Variants in CBFA2T2 observed in about 807,000 individuals in gnomAD.
CBFA2T2 encodes CBFA2/RUNX1 partner transcriptional co-repressor 2, also known as protein CBFA2T2.
Under a neutral mutation model 62.2 loss-of-function variants are expected in CBFA2T2, and 11 were observed. The ratio of observed to expected loss-of-function variants is 0.18; its 90% confidence interval spans 0.11 to 0.29. The LOEUF (loss-of-function observed/expected upper bound fraction) is 0.29. Among genes scored for constraint, CBFA2T2 ranks in the 10% least tolerant of loss-of-function variants. The pLI, the probability that CBFA2T2 is intolerant of heterozygous loss-of-function variation, is 1.00. For synonymous variants in CBFA2T2, 295 were observed against 287.5 expected (o/e 1.03, Z -0.27); for missense variants, 592 against 774.1 (o/e 0.76, Z 2.79).
chr20:33,569,608 G>A (rs1379852523), intron 1 of CBFA2T2, among the ~76,000 whole-genome samples: 2 of 152,220 alleles, frequency 1.3e-5, no homozygotes, highest in Admixed American at 6.5e-5. Context: ...TGCCCTGTCA[G>A]TGAAGGGTAT....
At chr20:33,530,953 G>A (rs1032099510) in intron 1 of CBFA2T2, among the ~76,000 whole-genome samples, 5 of 152,002 alleles carry the variant, frequency 3.3e-5, no homozygotes, top group Non-Finnish European at 7.4e-5. Context: ...GGTGGCAGGC[G>A]CCTGTAATCG....
chr20:33,628,567 C>G (rs541002051), intron 7 of CBFA2T2, 132 bp downstream of exon 7: 68 of 666,886 alleles, frequency 1.0e-4, no homozygotes, highest in Non-Finnish European at 1.7e-4. Flanking sequence ...TTCCCAGGTT[C>G]AAGCAATTCT....
intron 1 of CBFA2T2, among the ~76,000 whole-genome samples, chr20:33,492,415 T>TAA (rs199700102): frequency 0.043 from 6,177 of 142,866 alleles, 316 homozygotes; most frequent in African/African-American, 0.12. Flanking sequence ...TGCTTTCACT[T>TAA]AAAAAAAAAA....
intron 1 of CBFA2T2, among the ~76,000 whole-genome samples, chr20:33,510,557 C>T (rs1451229816): frequency 6.6e-6 from 1 of 152,094 alleles, no homozygotes; most frequent in Non-Finnish European, 1.5e-5. Context: ...TGGGTTGGTT[C>T]CGAGTCTTTG....
At chr20:33,596,153 A>G (rs1243060166) in intron 1 of CBFA2T2, among the ~76,000 whole-genome samples, 1 of 152,210 alleles carries the variant, frequency 6.6e-6, no homozygotes, top group Non-Finnish European at 1.5e-5. Context: ...TGTTTCAGCT[A>G]AGAGATGGTC....
At chr20:33,599,961 C>T (rs920900495) in intron 1 of CBFA2T2, among the ~76,000 whole-genome samples, 1 of 152,026 alleles carries the variant, frequency 6.6e-6, no homozygotes, top group Non-Finnish European at 1.5e-5. Context: ...TCATTATAAA[C>T]AGTTGTTTCT....
At chr20:33,555,294 G>A (rs1449480735) in intron 1 of CBFA2T2, among the ~76,000 whole-genome samples, 3 of 152,066 alleles carry the variant, frequency 2.0e-5, no homozygotes, top group African/African-American at 7.2e-5. Flanking sequence ...CATTAAAATG[G>A]CATGTAGTTG....
chr20:33,490,255 GC>G lies in CBFA2T2; in HGVS notation c.-12del, dbSNP rs2011136321. 2.4e-6 allele frequency: 3 copies of G among 1,237,840 alleles called. No homozygotes were observed. The East Asian group carries it at 9.5e-5, about 39-fold the overall frequency. 76.7% of individuals were successfully genotyped at this position (1,237,840 alleles called of 1,614,324 possible). A position where few individuals can be genotyped will look rare whatever the true frequency, so the allele number is the denominator to read the frequency against. ...GGGTAGAGGCGGGCGGCGCGCGGCG[GC>G]GGCGCTCGGCGATGGTAGGCGTCCC... On this transcript the variant is annotated 5_prime_UTR_variant, in exon 1 of 11. Coordinates refer to ENST00000342704, the MANE Select transcript of CBFA2T2 (RefSeq NM_001032999.3).
intron 5 of CBFA2T2, chr20:33,623,627 G>C (rs763909385): frequency 2.5e-5 from 16 of 636,466 alleles, no homozygotes; most frequent in Non-Finnish European, 4.5e-5. Context: ...TTACCATGTT[G>C]CCCAGGCTGG....
At chr20:33,561,505 A>G (rs992362400) in intron 1 of CBFA2T2, among the ~76,000 whole-genome samples, 1 of 152,212 alleles carries the variant, frequency 6.6e-6, no homozygotes, top group Non-Finnish European at 1.5e-5. Context: ...TTGTGTAACT[A>G]TAGTATGGTA....
chr20:33,575,591 TAG>T lies in CBFA2T2; in HGVS notation c.35-31362_35-31361del, dbSNP rs563209240. ...GTTAAGAGGAATTAGGAAAGAGTTA[TAG>T]AGTCTTTCTTAATAGGGTTTTTTTT... On this transcript the variant is annotated intron_variant, in intron 1 of 10. Coordinates refer to ENST00000342704, the MANE Select transcript of CBFA2T2 (RefSeq NM_001032999.3). 1.3e-4 allele frequency among the ~76,000 whole-genome samples: 20 copies of T among 152,274 alleles called. No individual in the cohort carries two copies. In the Middle Eastern group the frequency reaches 0.017, roughly 129 times the overall value.
chr20:33,617,754 C>T (rs771343767), intron 3 of CBFA2T2, among the ~76,000 whole-genome samples: 2 of 152,096 alleles, frequency 1.3e-5, no homozygotes, highest in South Asian at 2.1e-4. Flanking sequence ...ACAGATATAA[C>T]GTTAACTTTA....
intron 3 of CBFA2T2, among the ~76,000 whole-genome samples, chr20:33,614,301 A>C (rs1447993581): frequency 1.3e-5 from 2 of 152,180 alleles, no homozygotes; most frequent in Non-Finnish European, 1.5e-5. Flanking sequence ...CAGTGGTCTT[A>C]AGTACATTCA....
rs2016991072 is a variant in CBFA2T2, at chr20:33,644,713, G to A, written c.*67G>A. 2.0e-6 allele frequency: 3 copies of A among 1,490,838 alleles called. No individual in the cohort carries two copies. The highest frequency in any genetic ancestry group is 2.6e-5 in the South Asian group (2 of 76,466). The allele number at this position is 1,490,838 out of a possible 1,614,324, so 92.4% of individuals were successfully genotyped here. ...GAGTGCTTGGGCTGAGGGACTGACT[G>A]TTGGAACCCGTGCATGTAGCTGCCG... On this transcript the variant is annotated 3_prime_UTR_variant, in exon 11 of 11. Coordinates refer to ENST00000342704, the MANE Select transcript of CBFA2T2 (RefSeq NM_001032999.3).
At chr20:33,587,892 A>T (rs564092475) in intron 1 of CBFA2T2, among the ~76,000 whole-genome samples, 1 of 152,328 alleles carries the variant, frequency 6.6e-6, no homozygotes, top group Non-Finnish European at 1.5e-5. Context: ...AGATGTTCAC[A>T]TCTGGACCAT....
intron 1 of CBFA2T2, among the ~76,000 whole-genome samples, chr20:33,522,491 G>T (rs1337723615): frequency 6.7e-6 from 1 of 149,682 alleles, no homozygotes; most frequent in East Asian, 2.0e-4. Context: ...GCTTTGGGAG[G>T]CCAAGGTGGG....
At chr20:33,602,399 T>G (rs1386975809) in intron 1 of CBFA2T2, among the ~76,000 whole-genome samples, 1 of 147,706 alleles carries the variant, frequency 6.8e-6, no homozygotes, top group East Asian at 2.0e-4. Flanking sequence ...TATTTTCTTA[T>G]CTCGTATTTA....
chr20:33,626,340 T>C (rs1416994845), intron 6 of CBFA2T2, among the ~76,000 whole-genome samples: 1 of 152,212 alleles, frequency 6.6e-6, no homozygotes, highest in Non-Finnish European at 1.5e-5. Flanking sequence ...GTGAGGCATA[T>C]CGAAATCTTG....
In CBFA2T2 at chr20:33,515,400, C is replaced by T. The variant is rs186967604; in HGVS notation, c.34+25099C>T. 4.0e-5 allele frequency among the ~76,000 whole-genome samples: 6 copies of T among 148,430 alleles called. No homozygotes were observed. In the East Asian group the frequency reaches 8.0e-4, roughly 20 times the overall value. ...TGGCACTGCACACCAGCCTGGGTGA[C>T]GGAAAACGTGTCCTTGGCCAAATAG... On this transcript the variant is annotated intron_variant, in intron 1 of 10. Coordinates refer to ENST00000342704, the MANE Select transcript of CBFA2T2 (RefSeq NM_001032999.3).
Sources: allele counts gnomAD v4.1 joint callset (sites outside exome capture counted in the v4.1 genomes callset), GRCh38; gene constraint gnomAD v4.1.1; transcripts MANE v1.5; gene names NCBI Gene and HGNC (gene_info 2026-07-23, HGNC 2026-07-21).